The following CAPN9 variants were observed in gnomAD, a reference collection of about 807,000 sequenced individuals.
The protein encoded by CAPN9 is calpain 9.
In CAPN9, 81 loss-of-function variants were observed where a neutral mutation model predicts 92.8. The observed-to-expected ratio is 0.87, with a 90% confidence interval of 0.73 to 1.05. The LOEUF (loss-of-function observed/expected upper bound fraction) is 1.05. Ranked by LOEUF, CAPN9 falls within the 50% of genes least tolerant of loss-of-function variation. The pLI, the probability that CAPN9 is intolerant of heterozygous loss-of-function variation, is 0.00. For missense variants in CAPN9, 848 were observed against 866.2 expected (o/e 0.98, Z 0.26); for synonymous variants, 304 against 328.0 (o/e 0.93, Z 0.79).
intron 6 of CAPN9, among the ~76,000 whole-genome samples, chr1:230,769,582 C>G (rs1488414820): frequency 6.6e-6 from 1 of 152,106 alleles, no homozygotes; most frequent in Non-Finnish European, 1.5e-5. Context: ...ACTAGGGAAC[C>G]AAATATATAT....
At chr1:230,751,335 G>A (rs928875550) in intron 1 of CAPN9, among the ~76,000 whole-genome samples, 6 of 152,092 alleles carry the variant, frequency 3.9e-5, no homozygotes, top group African/African-American at 4.8e-5. Flanking sequence ...GAACAGCAGC[G>A]TCTGGCATCT....
intron 11 of CAPN9, among the ~76,000 whole-genome samples, chr1:230,781,628 G>A (rs1667231359): frequency 6.6e-6 from 1 of 152,164 alleles, no homozygotes; most frequent in Admixed American, 6.5e-5. Context: ...TCAAGACAGA[G>A]GAATCCATTT....
At chr1:230,753,648 C>G (rs1182655116) in intron 1 of CAPN9, among the ~76,000 whole-genome samples, 1 of 152,212 alleles carries the variant, frequency 6.6e-6, no homozygotes, top group African/African-American at 2.4e-5. Context: ...CGCCCAGACA[C>G]TGCTGGAACC....
chr1:230,752,774 G>A (rs1255542081), intron 1 of CAPN9: 5 of 902,106 alleles, frequency 5.5e-6, no homozygotes, highest in African/African-American at 5.4e-5. Context: ...CCTGGCAGGG[G>A]CTGGGCAATC....
At chr1:230,766,104 CT>C (rs1236937458) in intron 4 of CAPN9, among the ~76,000 whole-genome samples, 7 of 151,494 alleles carry the variant, frequency 4.6e-5, no homozygotes, top group African/African-American at 4.9e-5. Context: ...TTATTATTTA[CT>C]TTTTTTTGGA....
At chr1:230,776,318 G>A (rs1666773469) in intron 8 of CAPN9, 1 of 152,110 alleles carries the variant, frequency 6.6e-6, no homozygotes, top group African/African-American at 2.4e-5. Flanking sequence ...ACCTCCCAAA[G>A]GCCCCACCTC....
intron 17 of CAPN9, among the ~76,000 whole-genome samples, chr1:230,794,700 A>T (rs1388920016): frequency 1.3e-5 from 2 of 152,130 alleles, no homozygotes; most frequent in Non-Finnish European, 2.9e-5. Context: ...CTCCGTGGGC[A>T]GCAGCATCCC....
chr1:230,801,449 A>T, intron 19 of CAPN9, 121 bp from the exon 20 acceptor site: 1 of 904,304 alleles, frequency 1.1e-6, no homozygotes, highest in Non-Finnish European at 1.9e-6. Context: ...CCAAGTTGGC[A>T]GGCAAAATGA....
chr1:230,799,230 T>A (rs1668532948), intron 19 of CAPN9, among the ~76,000 whole-genome samples: 1 of 152,212 alleles, frequency 6.6e-6, no homozygotes, highest in Non-Finnish European at 1.5e-5. Flanking sequence ...GATGAAGAGG[T>A]TGATGACAGT....
chr1:230,790,698 TG>T (rs1241574473), intron 14 of CAPN9, among the ~76,000 whole-genome samples: 1 of 152,166 alleles, frequency 6.6e-6, no homozygotes, highest in Non-Finnish European at 1.5e-5. Context: ...CCCAGCACTT[TG>T]GGAGGCCGAG....
At chr1:230,787,133 TG>T (rs962116388) in intron 12 of CAPN9, among the ~76,000 whole-genome samples, 3 of 152,228 alleles carry the variant, frequency 2.0e-5, no homozygotes, top group African/African-American at 7.2e-5. Context: ...AACAGACTCT[TG>T]CCTTCAACGA....
chr1:230,755,088 T>C (rs533566078), intron 1 of CAPN9, among the ~76,000 whole-genome samples: 2 of 152,232 alleles, frequency 1.3e-5, no homozygotes, highest in Admixed American at 1.3e-4. Flanking sequence ...TGGCCAGAGA[T>C]TGGTGCTGAG....
At chr1:230,748,554 A>T (rs1289259715) in intron 1 of CAPN9, among the ~76,000 whole-genome samples, 3 of 152,178 alleles carry the variant, frequency 2.0e-5, no homozygotes, top group Non-Finnish European at 4.4e-5. Context: ...GCATATAGTC[A>T]TATCACTTCA....
chr1:230,752,409 T>G (rs1664907137), intron 1 of CAPN9, among the ~76,000 whole-genome samples: 1 of 152,254 alleles, frequency 6.6e-6, no homozygotes, highest in South Asian at 2.1e-4. Flanking sequence ...TGTGTTTACT[T>G]GGAGAGTTTC....
intron 17 of CAPN9, among the ~76,000 whole-genome samples, chr1:230,794,609 C>G (rs954590970): frequency 1.3e-5 from 2 of 152,214 alleles, no homozygotes; most frequent in African/African-American, 4.8e-5. Flanking sequence ...TGCCAGGGCT[C>G]AGATCCAAGC....
chr1:230,755,547 C>A, intron 2 of CAPN9, 141 bp downstream of exon 2: 1 of 612,036 alleles, frequency 1.6e-6, no homozygotes, highest in Non-Finnish European at 2.8e-6. Flanking sequence ...TTCCTCACTC[C>A]CTCTGAATGG....
At chr1:230,752,843 C>A in intron 1 of CAPN9, 1 of 222,598 alleles carries the variant, frequency 4.5e-6, no homozygotes, top group Non-Finnish European at 7.6e-6. Flanking sequence ...CATTCTGCAG[C>A]AAGCCCAGAA....
In CAPN9 at chr1:230,795,279, CG is replaced by C; in HGVS notation, c.1987+1del. The C allele has an allele frequency of 6.3e-7, 1 of 1,599,472 alleles. No individual in the cohort carries two copies. The highest frequency in any genetic ancestry group is 1.1e-5 in the South Asian group (1 of 90,618). On this transcript the variant is annotated splice_donor_variant, in intron 18 of 19. Transcript: ENST00000271971. LOFTEE classifies it high-confidence loss of function. The stretch of plus-strand genomic sequence containing the variant: ...CCTGGTCCGGCTGGAGAATGCGAGC[CG>C]TAAGTGTCCAGCGAGGCTGAGGGTG...
chr1:230,772,581 A>G (rs1340684280), intron 7 of CAPN9, among the ~76,000 whole-genome samples: 1 of 152,142 alleles, frequency 6.6e-6, no homozygotes, highest in Non-Finnish European at 1.5e-5. Flanking sequence ...AGCCCAGCAG[A>G]GAAATAGAAG....
Sources: allele counts gnomAD v4.1 joint callset (sites outside exome capture counted in the v4.1 genomes callset), GRCh38; gene constraint gnomAD v4.1.1; transcripts MANE v1.5; gene names NCBI Gene and HGNC (gene_info 2026-07-23, HGNC 2026-07-21).